CDC40: variants seen among roughly 807,000 people sequenced by gnomAD.
CDC40 encodes the protein cell division cycle 40, also known as pre-mRNA-processing factor 17.
CDC40 carries 27 observed loss-of-function variants against 80.6 expected under a neutral mutation model. The ratio of observed to expected loss-of-function variants is 0.33; its 90% CI spans 0.25 to 0.46. The LOEUF is 0.46. Among genes scored for constraint, CDC40 ranks in the 20% least tolerant of loss-of-function variants. The pLI is 1.00. For missense variants in CDC40, 486 were observed against 694.1 expected (o/e 0.70, Z 3.37); for synonymous variants, 221 against 232.6 (o/e 0.95, Z 0.45).
chr6:110,219,588 G>A (rs1777742196), intron 11 of CDC40, 109 bp downstream of exon 11: 1 of 1,106,362 alleles, frequency 9.0e-7, no homozygotes, highest in African/African-American at 1.6e-5. Flanking sequence ...TACTTTTAGG[G>A]ACGGCTAATG....
intron 2 of CDC40, among the ~76,000 whole-genome samples, chr6:110,195,030 C>T (rs1446422821): frequency 6.6e-6 from 1 of 152,140 alleles, no homozygotes; most frequent in African/African-American, 2.4e-5. Flanking sequence ...CACTACAGTA[C>T]TTCTTTACAA....
intron 1 of CDC40, among the ~76,000 whole-genome samples, chr6:110,182,180 T>C (rs1041111467): frequency 1.3e-5 from 2 of 152,226 alleles, no homozygotes; most frequent in Non-Finnish European, 2.9e-5. Context: ...ATCTGTAAAG[T>C]AGGAATAACA....
intron 2 of CDC40, among the ~76,000 whole-genome samples, 172 bp from the exon 3 acceptor site, chr6:110,201,386 G>A (rs1266076033): frequency 1.3e-5 from 2 of 152,136 alleles, no homozygotes; most frequent in Non-Finnish European, 2.9e-5. Context: ...GCTGACAAAT[G>A]GTGCTAATCA....
chr6:110,220,556 TGCCTCA>T (rs1160788553), intron 12 of CDC40, among the ~76,000 whole-genome samples: 12 of 150,542 alleles, frequency 8.0e-5, no homozygotes, highest in Non-Finnish European at 1.5e-4. Context: ...GCCATTGTCC[TGCCTCA>T]GCCTCCCAAG....
intron 3 of CDC40, 41 bp from the exon 4 acceptor site, chr6:110,207,465 C>G: frequency 1.0e-6 from 1 of 957,288 alleles, no homozygotes; most frequent in Non-Finnish European, 1.7e-6. Context: ...TGAATTTAAA[C>G]AGCAAAATGG....
rs1777643628 is a variant in CDC40, at chr6:110,212,056, A to C, written c.728-77A>C. The C allele has an allele frequency of 2.4e-6, 3 of 1,249,896 alleles. No individual in the cohort carries two copies. The Admixed American group carries it at 5.4e-5, about 23-fold the overall frequency. The allele number at this position is 1,249,896 out of a possible 1,614,324, so 77.4% of individuals were successfully genotyped here. A position where few individuals can be genotyped will look rare whatever the true frequency, so the allele number is the denominator to read the frequency against. ...ATGGAATGATATACCTGTGAATAAA[A>C]TGTTATTTTAAGAATGTTAGGTTTC... On this transcript the variant is annotated intron_variant, in intron 6 of 14. Transcript: ENST00000307731.
chr6:110,221,870 T>C (rs1316864614), intron 12 of CDC40, among the ~76,000 whole-genome samples: 1 of 151,812 alleles, frequency 6.6e-6, no homozygotes, highest in Admixed American at 6.6e-5. Flanking sequence ...TGTTTCTTTT[T>C]TTTTTTTTTT....
intron 8 of CDC40, 115 bp downstream of exon 8, chr6:110,213,275 T>A (rs1357558840): frequency 1.5e-6 from 1 of 683,526 alleles, no homozygotes; most frequent in African/African-American, 1.8e-5. Context: ...AATTATTTTC[T>A]CTTAGATCCT....
chr6:110,195,966 G>T (rs553201968), intron 2 of CDC40, among the ~76,000 whole-genome samples: 2 of 152,274 alleles, frequency 1.3e-5, no homozygotes, highest in South Asian at 4.1e-4. Context: ...GGTTTATTTG[G>T]TATGCGTTTG....
intron 3 of CDC40, among the ~76,000 whole-genome samples, chr6:110,204,659 C>CTTTTTTTTTT (rs55895216): frequency 3.4e-5 from 4 of 119,302 alleles, no homozygotes; most frequent in African/African-American, 1.0e-4. Context: ...TCCTATTTCT[C>CTTTTTTTTTT]TTTTTTTTTT....
At chr6:110,195,806 A>G (rs1476572596) in intron 2 of CDC40, among the ~76,000 whole-genome samples, 3 of 152,188 alleles carry the variant, frequency 2.0e-5, no homozygotes, top group Non-Finnish European at 4.4e-5. Context: ...GAAAGAATTG[A>G]GAGATAAGAC....
At chr6:110,207,106 G>C (rs1057272996) in intron 3 of CDC40, among the ~76,000 whole-genome samples, 3 of 152,028 alleles carry the variant, frequency 2.0e-5, no homozygotes, top group Non-Finnish European at 4.4e-5. Context: ...TTAAGGTCAG[G>C]AGTTCAAGAT....
intron 14 of CDC40, 139 bp downstream of exon 14, chr6:110,229,115 G>C (rs1166118276): frequency 1.3e-5 from 11 of 816,650 alleles, no homozygotes; most frequent in Non-Finnish European, 2.0e-5. Context: ...TTGTCAAAAT[G>C]CTGGATATAA....
chr6:110,229,154 T>G (rs936539439), intron 14 of CDC40, among the ~76,000 whole-genome samples, 178 bp downstream of exon 14: 10 of 152,176 alleles, frequency 6.6e-5, no homozygotes, highest in Non-Finnish European at 1.5e-4. Flanking sequence ...AAAATTACAT[T>G]TTGCTTTTTT....
intron 2 of CDC40, among the ~76,000 whole-genome samples, chr6:110,198,541 A>G (rs1176480200): frequency 6.6e-6 from 1 of 152,090 alleles, no homozygotes; most frequent in Non-Finnish European, 1.5e-5. Context: ...CCAATTTTTA[A>G]TTGAGTTATT....
Position 110,228,863 on chromosome 6 carries a change from C to A in CDC40, c.1449C>A (p.Asn483Lys), listed in dbSNP as rs1295892444. The A allele has an allele frequency of 6.3e-7, 1 of 1,597,768 alleles. No homozygotes were observed. The highest frequency in any genetic ancestry group is 8.5e-7 in the Non-Finnish European group (1 of 1,175,376). Residue 483 changes from asparagine (N) to lysine (K), a missense_variant, in exon 14 of 15, where the codon AAC becomes AAA. Asn to Lys is a moderately conservative substitution (Grantham distance 94, BLOSUM62 0). This residue lies in a region of CDC40 where 88 missense variants were observed against 138.7 expected (regional missense o/e 0.63). Coordinates refer to ENST00000307731, the MANE Select transcript of CDC40 (RefSeq NM_015891.3). ...GKWLACQSMD[N>K]QILIFGAQNR... Reference sequence around the variant, plus strand: ...GGCTAGCATGCCAATCAATGGACAACCAAATCTTAATTTTTGGAGCACAGA... The same window carrying A: ...GGCTAGCATGCCAATCAATGGACAAACAAATCTTAATTTTTGGAGCACAGA...
intron 12 of CDC40, among the ~76,000 whole-genome samples, chr6:110,220,941 A>AGAT (rs1255269415): frequency 5.3e-5 from 8 of 152,192 alleles, no homozygotes; most frequent in Non-Finnish European, 2.9e-5. Flanking sequence ...GTACAATTCA[A>AGAT]GATAAGATTT....
At chr6:110,220,543 C>T (rs1777758260) in intron 12 of CDC40, among the ~76,000 whole-genome samples, 1 of 148,650 alleles carries the variant, frequency 6.7e-6, no homozygotes, top group East Asian at 2.0e-4. Context: ...CTCCCGGGTT[C>T]ACGCCATTGT....
chr6:110,181,811 G>C (rs1777200268), intron 1 of CDC40, among the ~76,000 whole-genome samples: 1 of 152,120 alleles, frequency 6.6e-6, no homozygotes, highest in Non-Finnish European at 1.5e-5. Flanking sequence ...CAGTTGTCAA[G>C]TTCAGCCATC....
Sources: gnomAD v4.1 joint callset for allele counts (sites outside exome capture counted in the v4.1 genomes callset) on GRCh38, gnomAD v4.1.1 for gene constraint, gnomAD v4.1.1 regional missense constraint, MANE v1.5 for transcripts, NCBI Gene and HGNC (gene_info 2026-07-23, HGNC 2026-07-21) for gene names.